Variants in CD82 observed in about 807,000 individuals in gnomAD.
The protein encoded by CD82 is CD82 molecule.
A neutral mutation model predicts 37.4 loss-of-function variants in CD82; 36 were observed. The observed-to-expected ratio is 0.96, with a 90% confidence interval of 0.74 to 1.27. The LOEUF (loss-of-function observed/expected upper bound fraction) is 1.27. Among genes scored for constraint, CD82 ranks in the 50% most tolerant of loss-of-function variants. The pLI is 0.00. For missense variants in CD82, 340 were observed against 347.0 expected (o/e 0.98, Z 0.16); for synonymous variants, 158 against 137.4 (o/e 1.15, Z -1.05).
At chr11:44,614,687 G>A (rs2134691186) in intron 6 of CD82, among the ~76,000 whole-genome samples, 1 of 152,314 alleles carries the variant, frequency 6.6e-6, no homozygotes, top group African/African-American at 2.4e-5. Flanking sequence ...TGGGGGAGAG[G>A]GGATGGGGAA....
intron 1 of CD82, among the ~76,000 whole-genome samples, chr11:44,583,927 C>T (rs1853016447): frequency 6.6e-6 from 1 of 152,184 alleles, no homozygotes; most frequent in African/African-American, 2.4e-5. Flanking sequence ...GAGCCTGTCT[C>T]ACTGGTTCAT....
chr11:44,572,668 G>A (rs933629898), intron 1 of CD82, among the ~76,000 whole-genome samples: 4 of 152,194 alleles, frequency 2.6e-5, no homozygotes, highest in Non-Finnish European at 5.9e-5. Context: ...CATGCGGTGG[G>A]CACACCCTGA....
chr11:44,618,215 C>G lies in CD82; in HGVS notation c.492C>G (p.Leu164=). Residue 164 remains leucine (L), a synonymous_variant, in exon 8 of 10, where the codon CTC becomes CTG. Coordinates refer to ENST00000227155, the MANE Select transcript of CD82 (RefSeq NM_002231.4). Reference sequence around the variant, plus strand: ...ACAACTGGACAGACAACGCTGAGCTCATGAATCGCCCTGAGGTCACCTACC... The same window carrying G: ...ACAACTGGACAGACAACGCTGAGCTGATGAATCGCCCTGAGGTCACCTACC... The part of the protein sequence containing the change: ...SFYNWTDNAE[L]MNRPEVTYPC... 6.2e-7 allele frequency: 1 copy of G among 1,614,132 alleles called. No homozygotes were observed. Among genetic ancestry groups the G allele is most frequent in the Non-Finnish European group, 8.5e-7 (1 of 1,180,050 alleles).
In CD82 at chr11:44,587,378, A is replaced by G. The variant is rs1853072210; in HGVS notation, c.-102-97A>G. ...CAACCCTGGCGGGGCCCCGCCGGCC[A>G]CACGGGGAGCCTGGATTTAAAGTGA... On this transcript the variant is annotated intron_variant, in intron 1 of 9. Transcript: ENST00000227155. 1.1e-5 allele frequency: 5 copies of G among 449,438 alleles called. No homozygotes were observed. In the Admixed American group the frequency reaches 1.2e-4, roughly 11 times the overall value. 27.8% of individuals were successfully genotyped at this position (449,438 alleles called of 1,614,324 possible).
intron 1 of CD82, among the ~76,000 whole-genome samples, chr11:44,584,030 A>G (rs570144920): frequency 1.1e-3 from 164 of 152,208 alleles, no homozygotes; most frequent in African/African-American, 3.8e-3. Context: ...GGAAGGTCTG[A>G]TTTGGATGTG....
chr11:44,575,429 G>C (rs1202557046), intron 1 of CD82, among the ~76,000 whole-genome samples: 1 of 152,074 alleles, frequency 6.6e-6, no homozygotes. Flanking sequence ...AGAGTAGGTG[G>C]TGGGTGTTGC....
intron 6 of CD82, among the ~76,000 whole-genome samples, chr11:44,607,448 C>T (rs1406577998): frequency 6.6e-6 from 1 of 152,186 alleles, no homozygotes; most frequent in East Asian, 1.9e-4. Flanking sequence ...CACTGAGCTT[C>T]TTTAGGACCT....
At chr11:44,606,423 G>A (rs1853396918) in intron 6 of CD82, 2 of 146,680 alleles carry the variant, frequency 1.4e-5, no homozygotes, top group Non-Finnish European at 2.9e-5. Flanking sequence ...AGGCTACAGG[G>A]AGCCATGAAA....
At position 44,568,353 on chromosome 11, in the gene CD82, C is replaced by G. The variant is rs114107181; in HGVS notation, c.-103+2617C>G. Among the ~76,000 whole-genome samples, 1,276 of 152,252 alleles carry G rather than the reference C, an allele frequency of 8.4e-3. 17 individuals are homozygous for G. Among genetic ancestry groups the G allele is most frequent in the African/African-American group, 0.029 (1,219 of 41,522 alleles). On this transcript the variant is annotated intron_variant, in intron 1 of 9. Transcript: ENST00000227155. ...TCCAGCACATTTGCACTTCTTTCTC[C>G]TCCCTATCCTGTCTGGTACATAGCA...
chr11:44,599,830 C>G (rs989285484), intron 3 of CD82, among the ~76,000 whole-genome samples: 1 of 152,060 alleles, frequency 6.6e-6, no homozygotes, highest in Non-Finnish European at 1.5e-5. Context: ...TGGGTGGAGT[C>G]GGGGGGATGA....
chr11:44,575,899 A>G (rs1038591501), intron 1 of CD82, among the ~76,000 whole-genome samples: 2 of 152,196 alleles, frequency 1.3e-5, no homozygotes, highest in Non-Finnish European at 2.9e-5. Context: ...AAGGATGTTG[A>G]AAGTAGGAGG....
intron 4 of CD82, among the ~76,000 whole-genome samples, chr11:44,604,162 G>A (rs1369695900): frequency 6.6e-6 from 1 of 152,164 alleles, no homozygotes; most frequent in Non-Finnish European, 1.5e-5. Flanking sequence ...CCTGTATTGT[G>A]TACTTTTTGT....
At chr11:44,603,472 T>C (rs1402251406) in intron 4 of CD82, among the ~76,000 whole-genome samples, 1 of 152,174 alleles carries the variant, frequency 6.6e-6, no homozygotes, top group Admixed American at 6.5e-5. Flanking sequence ...GTAAAGGGGT[T>C]GGTCCTGGCT....
intron 1 of CD82, among the ~76,000 whole-genome samples, chr11:44,573,984 C>G (rs1290735570): frequency 6.6e-6 from 1 of 152,200 alleles, no homozygotes; most frequent in Non-Finnish European, 1.5e-5. Flanking sequence ...TGAGCAAAGG[C>G]TGCTCCTGTC....
At chr11:44,565,318 G>C (rs557149367), upstream of CD82, among the ~76,000 whole-genome samples, 17 of 152,344 alleles carry the variant, frequency 1.1e-4, no homozygotes, top group East Asian at 3.1e-3. Flanking sequence ...GGGAGGACGA[G>C]GTAGGCGGGA....
At position 44,597,798 on chromosome 11, in the gene CD82, A is replaced by G. The variant is rs1853250320; in HGVS notation, c.64-2360A>G. On this transcript the variant is annotated intron_variant, in intron 3 of 9. Transcript: ENST00000227155. The surrounding 1 kb of genome is among the most constrained non-coding windows in gnomAD (Gnocchi z 4.1). ...AGAGGGAGCAGACGTGGGCCTGAGC[A>G]CTGGCCCCTGCCTCGCTGTGCTGTG... Among the ~76,000 whole-genome samples, 1 of 151,958 alleles carries G rather than the reference A, an allele frequency of 6.6e-6. No homozygotes were observed. The highest frequency in any genetic ancestry group is 2.4e-5 in the African/African-American group (1 of 41,370).
chr11:44,610,687 A>G (rs762369644), intron 6 of CD82, among the ~76,000 whole-genome samples: 15 of 152,106 alleles, frequency 9.9e-5, no homozygotes, highest in Non-Finnish European at 1.9e-4. Flanking sequence ...TATCTATGTG[A>G]TCTTGGGAAG....
intron 9 of CD82, 143 bp downstream of exon 9, chr11:44,618,866 G>A: frequency 1.2e-6 from 1 of 846,024 alleles, no homozygotes; most frequent in Non-Finnish European, 1.9e-6. Flanking sequence ...GCACTGTCTG[G>A]CTGTGTGACC....
At chr11:44,565,081 C>G (rs1458633035), upstream of CD82, among the ~76,000 whole-genome samples, 3 of 152,266 alleles carry the variant, frequency 2.0e-5, no homozygotes, top group Non-Finnish European at 4.4e-5. Context: ...GCTCCCACGC[C>G]GTTCCCCGGC....
Sources: allele counts gnomAD v4.1 joint callset (sites outside exome capture counted in the v4.1 genomes callset), GRCh38; gene constraint gnomAD v4.1.1; non-coding constraint Gnocchi (gnomAD v3.1); transcripts MANE v1.5; gene names NCBI Gene and HGNC (gene_info 2026-07-23, HGNC 2026-07-21).